Variants in TMTC2 observed in about 807,000 individuals in gnomAD.
TMTC2 encodes transmembrane O-mannosyltransferase targeting cadherins 2.
In TMTC2, 43 loss-of-function variants were observed where a neutral mutation model predicts 82.4. The ratio of observed to expected loss-of-function variants is 0.52; its 90% CI spans 0.41 to 0.67. TMTC2 has a LOEUF of 0.67. Ranked by LOEUF, TMTC2 falls within the 30% of genes least tolerant of loss-of-function variation. The pLI, the probability that TMTC2 is intolerant of heterozygous loss-of-function variation, is 0.00. For synonymous variants in TMTC2, 408 were observed against 381.9 expected (o/e 1.07, Z -0.80); for missense variants, 919 against 1,012.4 (o/e 0.91, Z 1.25).
intron 2 of TMTC2, 28 bp from the exon 3 acceptor site, chr12:82,895,790 A>T (rs372432265): frequency 5.1e-6 from 8 of 1,566,772 alleles, no homozygotes; most frequent in Non-Finnish European, 6.9e-6. Flanking sequence ...AATAATCTTA[A>T]TTTTTCCCTT....
At chr12:82,922,273 T>C (rs1436264305) in intron 3 of TMTC2, among the ~76,000 whole-genome samples, 1 of 152,186 alleles carries the variant, frequency 6.6e-6, no homozygotes, top group Non-Finnish European at 1.5e-5. Flanking sequence ...ATATTAAATG[T>C]TAATGAAAAT....
At chr12:82,956,016 G>A (rs558087060) in intron 4 of TMTC2, among the ~76,000 whole-genome samples, 2 of 152,036 alleles carry the variant, frequency 1.3e-5, no homozygotes, top group Non-Finnish European at 2.9e-5. Flanking sequence ...AACTCCGTAT[G>A]ATATGGACTT....
At chr12:82,797,213 C>T (rs141125411) in intron 1 of TMTC2, among the ~76,000 whole-genome samples, 4 of 152,138 alleles carry the variant, frequency 2.6e-5, no homozygotes, top group Non-Finnish European at 5.9e-5. Context: ...TTATTTATAC[C>T]ACTGGAAAAT....
chr12:82,810,259 A>C (rs1879431836), intron 1 of TMTC2, among the ~76,000 whole-genome samples: 1 of 151,730 alleles, frequency 6.6e-6, no homozygotes, highest in South Asian at 2.1e-4. Flanking sequence ...GATTACTGTC[A>C]AATGTTAGAT....
intron 1 of TMTC2, chr12:82,760,800 G>A (rs1438264649): frequency 5.3e-6 from 2 of 377,736 alleles, no homozygotes; most frequent in African/African-American, 2.2e-5. Context: ...GCGCATGTGA[G>A]GGATCTAGGT....
chr12:82,908,738 T>G (rs1167772109), intron 3 of TMTC2, among the ~76,000 whole-genome samples: 1 of 152,190 alleles, frequency 6.6e-6, no homozygotes. Context: ...TATTTTTTTC[T>G]TCTATATTAG....
At chr12:83,032,017 T>A (rs12579534) in intron 9 of TMTC2, among the ~76,000 whole-genome samples, 28,097 of 151,718 alleles carry the variant, frequency 0.19, 2,662 homozygotes, top group Middle Eastern at 0.25. Context: ...TTTTTATAGG[T>A]TTTCCTATAT....
intron 1 of TMTC2, among the ~76,000 whole-genome samples, chr12:82,749,789 G>A (rs1161169402): frequency 2.1e-5 from 3 of 144,574 alleles, no homozygotes; most frequent in Admixed American, 1.4e-4. Flanking sequence ...CTAGGCTGGA[G>A]TGCAGTGGTG....
chr12:82,813,232 C>G (rs1328835196), intron 1 of TMTC2, among the ~76,000 whole-genome samples: 1 of 152,098 alleles, frequency 6.6e-6, no homozygotes, highest in Non-Finnish European at 1.5e-5. Context: ...TTGGAACTCA[C>G]TACTCTGTAA....
chr12:82,783,291 T>TGTGTGTGTGTGTGTGG (rs1878001778), intron 1 of TMTC2, among the ~76,000 whole-genome samples: 1 of 39,186 alleles, frequency 2.6e-5, no homozygotes, highest in African/African-American at 3.2e-4. Context: ...TATATGCCTC[T>TGTGTGTGTGTGTGTGG]GTGTGTGTGT....
intron 11 of TMTC2, among the ~76,000 whole-genome samples, chr12:83,104,939 A>G (rs942026810): frequency 3.3e-5 from 5 of 152,222 alleles, no homozygotes; most frequent in Non-Finnish European, 7.3e-5. Context: ...GTCAGAGAGT[A>G]GGCTGTTAGA....
In TMTC2 at chr12:82,803,118, C is replaced by T. The variant is rs144606915; in HGVS notation, c.84-53892C>T. Among the ~76,000 whole-genome samples, 58 of 152,222 alleles carry T rather than the reference C, an allele frequency of 3.8e-4. No individual in the cohort carries two copies. In the South Asian group the frequency reaches 6.2e-3, roughly 16 times the overall value. On this transcript the variant is annotated intron_variant, in intron 1 of 11. Transcript: ENST00000321196. ...CACTGAGTGGCAAATGTAAAGAATA[C>T]AAGAGGATGTTAAATTTTGGCTATG... is the stretch of plus-strand genomic sequence containing the variant.
chr12:82,938,809 A>G (rs895471884), intron 4 of TMTC2, among the ~76,000 whole-genome samples: 7 of 152,158 alleles, frequency 4.6e-5, no homozygotes, highest in Non-Finnish European at 1.0e-4. Context: ...AAATAATAAT[A>G]CTGAAGAATA....
intron 3 of TMTC2, among the ~76,000 whole-genome samples, chr12:82,909,923 A>G (rs1874543332): frequency 6.6e-6 from 1 of 152,234 alleles, no homozygotes; most frequent in South Asian, 2.1e-4. Flanking sequence ...CAGCAAAAGA[A>G]AACTTAAAAG....
intron 8 of TMTC2, among the ~76,000 whole-genome samples, chr12:82,993,842 G>C (rs1160010104): frequency 6.6e-6 from 1 of 152,158 alleles, no homozygotes; most frequent in African/African-American, 2.4e-5. Flanking sequence ...AGAGAAACGG[G>C]GGAGATACAT....
intron 9 of TMTC2, among the ~76,000 whole-genome samples, chr12:83,041,916 T>C (rs1881910022): frequency 6.6e-6 from 1 of 152,188 alleles, no homozygotes; most frequent in Admixed American, 6.5e-5. Flanking sequence ...TGTGTGAAGA[T>C]AAATTGAATA....
At chr12:82,790,195 A>G (rs866989903) in intron 1 of TMTC2, among the ~76,000 whole-genome samples, 2 of 146,462 alleles carry the variant, frequency 1.4e-5, no homozygotes, top group African/African-American at 5.1e-5. Flanking sequence ...AAAAAAAAAG[A>G]TGGGTAAACT....
chr12:82,720,481 G>A (rs1874154540), intron 1 of TMTC2, among the ~76,000 whole-genome samples: 1 of 152,050 alleles, frequency 6.6e-6, no homozygotes, highest in Non-Finnish European at 1.5e-5. Flanking sequence ...ATTTTCATCA[G>A]CTGATGGCCA....
At chr12:83,122,170 A>C (rs545398435) in intron 11 of TMTC2, among the ~76,000 whole-genome samples, 1 of 146,554 alleles carries the variant, frequency 6.8e-6, no homozygotes, top group African/African-American at 2.5e-5. Context: ...CTTCCCAGCT[A>C]TGAAAGCAAG....
Sources: gnomAD v4.1 joint callset for allele counts (sites outside exome capture counted in the v4.1 genomes callset) on GRCh38, gnomAD v4.1.1 for gene constraint, MANE v1.5 for transcripts, NCBI Gene and HGNC (gene_info 2026-07-23, HGNC 2026-07-21) for gene names.